SIN3A: variants seen among roughly 807,000 people sequenced by gnomAD.
SIN3A encodes the protein paired amphipathic helix protein Sin3a.
A neutral mutation model predicts 146.1 loss-of-function variants in SIN3A; 14 were observed. The ratio of observed to expected loss-of-function variants is 0.10; its 90% CI spans 0.06 to 0.15. The LOEUF (loss-of-function observed/expected upper bound fraction) is 0.15. Among genes scored for constraint, SIN3A ranks in the 10% least tolerant of loss-of-function variants. SIN3A has a pLI of 1.00. For missense variants in SIN3A, 1,028 were observed against 1,576.0 expected (o/e 0.65, Z 5.89); for synonymous variants, 572 against 572.0 (o/e 1.00, Z 0.00).
chr15:75,442,451 G>A (rs1221211241), intron 1 of SIN3A, among the ~76,000 whole-genome samples: 2 of 151,370 alleles, frequency 1.3e-5, no homozygotes, highest in Admixed American at 6.6e-5. Context: ...GGGATTGCAG[G>A]CATATGCCAC....
chr15:75,454,880 T>G (rs1032505379), upstream of SIN3A: 2 of 152,364 alleles, frequency 1.3e-5, no homozygotes, highest in Admixed American at 6.5e-5. Context: ...GCCGAGTTTC[T>G]GGGGGTTTTC....
At chr15:75,423,596 T>G (rs2073876440) in intron 2 of SIN3A, among the ~76,000 whole-genome samples, 1 of 152,076 alleles carries the variant, frequency 6.6e-6, no homozygotes, top group South Asian at 2.1e-4. Flanking sequence ...GAGAATAGCG[T>G]GAACCCAGGA....
At chr15:75,415,524 TA>T in intron 3 of SIN3A, 1 of 208,638 alleles carries the variant, frequency 4.8e-6, no homozygotes. Context: ...GGTTGTATGC[TA>T]AACCTGCTCC....
At chr15:75,388,985 TA>T (rs1392329689) in intron 16 of SIN3A, among the ~76,000 whole-genome samples, 2 of 152,052 alleles carry the variant, frequency 1.3e-5, no homozygotes, top group Non-Finnish European at 2.9e-5. Context: ...ATCATTGTTG[TA>T]AAGAACAACA....
intron 20 of SIN3A, among the ~76,000 whole-genome samples, chr15:75,373,251 G>A (rs986752676): frequency 2.6e-5 from 4 of 152,162 alleles, no homozygotes; most frequent in Non-Finnish European, 4.4e-5. Flanking sequence ...GGTGGTGCAC[G>A]CCCGTAATCC....
chr15:75,408,644 T>C (rs2073566377), intron 8 of SIN3A, among the ~76,000 whole-genome samples: 1 of 152,216 alleles, frequency 6.6e-6, no homozygotes, highest in South Asian at 2.1e-4. Flanking sequence ...GTGTTAACTA[T>C]AACAAAAAAC....
chr15:75,406,353 T>G (rs2073514669), intron 9 of SIN3A, among the ~76,000 whole-genome samples: 1 of 152,236 alleles, frequency 6.6e-6, no homozygotes, highest in Non-Finnish European at 1.5e-5. Context: ...CCCTGAATGC[T>G]ATGTATGTGT....
At chr15:75,401,019 T>C in intron 10 of SIN3A, 79 bp from the exon 11 acceptor site, 1 of 985,886 alleles carries the variant, frequency 1.0e-6, no homozygotes, top group Non-Finnish European at 1.6e-6. Flanking sequence ...TACCATCTGG[T>C]TTTGGATCAG....
intron 9 of SIN3A, among the ~76,000 whole-genome samples, chr15:75,402,480 T>C (rs907268519): frequency 1.3e-5 from 2 of 151,888 alleles, no homozygotes; most frequent in African/African-American, 4.8e-5. Flanking sequence ...ATAATGCCAC[T>C]GTACTCCAGC....
chr15:75,430,387 G>A lies in SIN3A; in HGVS notation c.-12C>T. On this transcript the variant is annotated 5_prime_UTR_variant, in exon 2 of 21. Transcript: ENST00000394947. ...AAACGCCGCTTCATTCTGTGCTCAT[G>A]CTCAGGGATGCACTACAAAACCTGC... 1 of 1,598,070 alleles carries A rather than the reference G, an allele frequency of 6.3e-7. No individual in the cohort carries two copies. Among genetic ancestry groups the A allele is most frequent in the Non-Finnish European group, 8.5e-7 (1 of 1,172,320 alleles).
intron 6 of SIN3A, among the ~76,000 whole-genome samples, chr15:75,410,768 GGCCGGGCACGGTGGCTCAT>G (rs1488433344): frequency 1.3e-5 from 2 of 152,022 alleles, no homozygotes; most frequent in African/African-American, 2.4e-5. Context: ...TCCTGACTGA[GGCCGGGCACGGTGGCTCAT>G]GCCTGCAATC....
Position 75,409,964 on chromosome 15 carries a change from C to T in SIN3A, c.1189G>A (p.Val397Ile). The change falls in exon 8 of 21, where the codon GTT becomes ATT. Residue 397 changes from valine (V) to isoleucine (I), a missense_variant. Around this residue, in one of 9 missense-constraint regions of SIN3A, gnomAD observed 40 missense variants for 74.0 expected, o/e 0.54. Coordinates refer to ENST00000394947, the MANE Select transcript of SIN3A (RefSeq NM_001145358.2). ...VLLSKTTAEK[V>I]DSVRNDHGGT... ...CCATGATCATTTCTCACAGAATCAA[C>T]CTTCTCAGCAGTTGTTTTGCTTAAA... is the stretch of plus-strand genomic sequence containing the variant. 6.2e-7 allele frequency: 1 copy of T among 1,614,162 alleles called. No homozygotes were observed. Among genetic ancestry groups the T allele is most frequent in the Non-Finnish European group, 8.5e-7 (1 of 1,180,048 alleles).
upstream of SIN3A, among the ~76,000 whole-genome samples, chr15:75,454,554 C>T (rs551920984): frequency 3.3e-5 from 5 of 151,392 alleles, no homozygotes; most frequent in South Asian, 4.2e-4. Flanking sequence ...CTGACAGGCG[C>T]GCCCCCCGCG....
At chr15:75,400,691 T>C in intron 11 of SIN3A, 39 bp downstream of exon 11, 3 of 1,516,874 alleles carry the variant, frequency 2.0e-6, no homozygotes, top group Non-Finnish European at 2.7e-6. Flanking sequence ...TGGAAAAAGC[T>C]GAGGACCCAG....
intron 7 of SIN3A, 37 bp downstream of exon 7, chr15:75,410,097 A>C: frequency 6.2e-7 from 1 of 1,606,632 alleles, no homozygotes; most frequent in South Asian, 1.1e-5. Context: ...CTAAGATAAT[A>C]ATAGTAAATA....
In SIN3A at chr15:75,381,666, T is replaced by C. The variant is rs753290842; in HGVS notation, c.3235A>G (p.Ile1079Val). ...TCCTCTTCTGTGTCCAGAAGCTCAA[T>C]AGTCAGCTGGACCTGGCCTTGGCTC... ...IQSQGQVQLT[I>V]ELLDTEEENS... The change falls in exon 18 of 21, where the codon ATT becomes GTT. Residue 1079 changes from isoleucine (I) to valine (V), a missense_variant. This residue lies in a region of SIN3A where 488 missense variants were observed against 690.2 expected (regional missense o/e 0.71). Coordinates refer to ENST00000394947, the MANE Select transcript of SIN3A (RefSeq NM_001145358.2). 1.2e-5 allele frequency: 20 copies of C among 1,613,926 alleles called. No homozygotes were observed. Among genetic ancestry groups the C allele is most frequent in the Admixed American group, 8.3e-5 (5 of 59,978 alleles).
chr15:75,409,182 C>A (rs970094505), intron 8 of SIN3A, among the ~76,000 whole-genome samples: 2 of 150,826 alleles, frequency 1.3e-5, no homozygotes, highest in African/African-American at 2.4e-5. Context: ...CCAGCCTGGG[C>A]GACAGAGCAA....
At chr15:75,445,298 T>C (rs1417435658) in intron 1 of SIN3A, among the ~76,000 whole-genome samples, 2 of 148,590 alleles carry the variant, frequency 1.3e-5, no homozygotes, top group African/African-American at 5.0e-5. Flanking sequence ...GGAGAACTGC[T>C]TGAACCTGGG....
chr15:75,416,370 G>T (rs149297378), intron 3 of SIN3A, among the ~76,000 whole-genome samples: 2,051 of 152,296 alleles, frequency 0.013, 40 homozygotes, highest in South Asian at 0.036. Context: ...TTGTTGCCCA[G>T]GCTGGAGTGC....
Sources: gnomAD v4.1 joint callset for allele counts (sites outside exome capture counted in the v4.1 genomes callset) on GRCh38, gnomAD v4.1.1 for gene constraint, gnomAD v4.1.1 regional missense constraint, MANE v1.5 for transcripts, NCBI Gene and HGNC (gene_info 2026-07-23, HGNC 2026-07-21) for gene names.